Variants in ANO4 observed in about 807,000 individuals in gnomAD.
The protein encoded by ANO4 is anoctamin 4.
A neutral mutation model predicts 141.9 loss-of-function variants in ANO4; 69 were observed. The observed-to-expected ratio is 0.49, with a 90% CI of 0.40 to 0.59. The LOEUF (loss-of-function observed/expected upper bound fraction) is 0.59. ANO4 is among the 20% of genes least tolerant of loss of function. The pLI is 0.00. For synonymous variants in ANO4, 350 were observed against 394.3 expected (o/e 0.89, Z 1.33); for missense variants, 894 against 1,162.2 (o/e 0.77, Z 3.36).
chr12:100,823,479 T>G (rs2036164795), intron 1 of ANO4, among the ~76,000 whole-genome samples: 1 of 152,016 alleles, frequency 6.6e-6, no homozygotes. Flanking sequence ...TCTTGCTTTG[T>G]TTTTGCATAC....
At chr12:100,845,484 A>G (rs185979408) in intron 1 of ANO4, among the ~76,000 whole-genome samples, 267 of 152,304 alleles carry the variant, frequency 1.8e-3, no homozygotes, top group African/African-American at 6.2e-3. Context: ...TTGAGCATCC[A>G]TCCATGACTG....
intron 3 of ANO4, among the ~76,000 whole-genome samples, chr12:100,777,491 A>G (rs10860633): frequency 0.67 from 101,355 of 151,346 alleles, 34,119 homozygotes; most frequent in East Asian, 0.79. Context: ...AAGCCATGAG[A>G]AGGAGGCAGC....
At chr12:100,857,181 T>C (rs929395616) in intron 1 of ANO4, among the ~76,000 whole-genome samples, 1 of 152,124 alleles carries the variant, frequency 6.6e-6, no homozygotes, top group Non-Finnish European at 1.5e-5. Context: ...GCCATGCACA[T>C]TGTCCAGTTT....
intron 14 of ANO4, among the ~76,000 whole-genome samples, chr12:101,062,282 A>G (rs940686683): frequency 6.6e-6 from 1 of 152,144 alleles, no homozygotes; most frequent in South Asian, 2.1e-4. Context: ...GCACCCCCCA[A>G]ATGCCAGCTG....
At chr12:101,069,240 C>T (rs1384992036) in intron 14 of ANO4, 3 of 1,208,984 alleles carry the variant, frequency 2.5e-6, no homozygotes, top group South Asian at 2.4e-5. Context: ...AACTGATATG[C>T]CTTCACTCTG....
chr12:100,735,103 T>C (rs1035489093), intron 2 of ANO4, among the ~76,000 whole-genome samples: 4 of 152,180 alleles, frequency 2.6e-5, no homozygotes, highest in Non-Finnish European at 4.4e-5. Context: ...TTCAACCCCC[T>C]GTGAAATCAA....
At chr12:100,801,103 CT>C (rs2034658148) in intron 1 of ANO4, among the ~76,000 whole-genome samples, 3 of 151,232 alleles carry the variant, frequency 2.0e-5, no homozygotes, top group Non-Finnish European at 4.4e-5. Flanking sequence ...GTCTCTCTCT[CT>C]CTCTCTCTCT....
chr12:100,769,653 T>C lies in ANO4; in HGVS notation c.358+29548T>C, dbSNP rs147764076. Among the ~76,000 whole-genome samples, 990 of 152,344 alleles carry C rather than the reference T, an allele frequency of 6.5e-3. 11 individuals carry two copies. Among genetic ancestry groups the C allele is most frequent in the African/African-American group, 0.022 (931 of 41,578 alleles). ...AGATTATTCCTAGGAAATAATTAAG[T>C]CAGTTCTTTGGACATAGTTAAGTGC... On this transcript the variant is annotated intron_variant, in intron 3 of 29. Coordinates refer to the ANO4 transcript ENST00000644049.
chr12:100,825,229 T>C (rs1365597819), intron 1 of ANO4, among the ~76,000 whole-genome samples: 1 of 152,028 alleles, frequency 6.6e-6, no homozygotes, highest in African/African-American at 2.4e-5. Flanking sequence ...AGTTTGACAA[T>C]CTACTTGAAG....
chr12:100,842,395 A>C (rs539983387), intron 1 of ANO4, among the ~76,000 whole-genome samples: 1 of 147,160 alleles, frequency 6.8e-6, no homozygotes, highest in Non-Finnish European at 1.5e-5. Flanking sequence ...AGCTGTTTGC[A>C]AGTGTGTGTA....
At chr12:100,892,794 TC>T (rs1593660602) in intron 1 of ANO4, among the ~76,000 whole-genome samples, 1 of 152,296 alleles carries the variant, frequency 6.6e-6, no homozygotes, top group East Asian at 1.9e-4. Flanking sequence ...TTTTTTTTTT[TC>T]TGAATATTTT....
intron 14 of ANO4, among the ~76,000 whole-genome samples, chr12:101,066,057 C>T (rs890796892): frequency 2.1e-4 from 32 of 152,070 alleles, no homozygotes; most frequent in African/African-American, 7.7e-4. Flanking sequence ...TGATAAAGTT[C>T]AACATTTATT....
chr12:100,969,059 T>C (rs1002446884), intron 5 of ANO4, among the ~76,000 whole-genome samples: 4 of 152,316 alleles, frequency 2.6e-5, no homozygotes, highest in Non-Finnish European at 4.4e-5. Flanking sequence ...AGGCACCTCA[T>C]TTGCAGTAAC....
At chr12:100,887,069 AC>A (rs1273684121) in intron 1 of ANO4, among the ~76,000 whole-genome samples, 2 of 152,184 alleles carry the variant, frequency 1.3e-5, no homozygotes, top group Non-Finnish European at 2.9e-5. Context: ...CATTTTGCTC[AC>A]TTGGCTAAGT....
intron 14 of ANO4, among the ~76,000 whole-genome samples, chr12:101,050,980 C>T (rs2047842510): frequency 6.6e-6 from 1 of 152,138 alleles, no homozygotes; most frequent in African/African-American, 2.4e-5. Context: ...ACTTCCTTAC[C>T]CACTTCAATA....
chr12:100,965,564 C>T (rs761151222), intron 5 of ANO4, among the ~76,000 whole-genome samples: 1 of 152,034 alleles, frequency 6.6e-6, no homozygotes, highest in Non-Finnish European at 1.5e-5. Flanking sequence ...CTGGCATGAT[C>T]ATTCCCAGCC....
chr12:100,785,187 C>G (rs2033832218), intron 3 of ANO4, among the ~76,000 whole-genome samples: 1 of 152,146 alleles, frequency 6.6e-6, no homozygotes, highest in African/African-American at 2.4e-5. Flanking sequence ...CCCCAACTAC[C>G]AACATCCCCC....
At chr12:101,048,717 A>T (rs1359008828) in intron 14 of ANO4, among the ~76,000 whole-genome samples, 1 of 152,158 alleles carries the variant, frequency 6.6e-6, no homozygotes, top group Middle Eastern at 3.2e-3. Flanking sequence ...CTGAAACACC[A>T]TCTCAGTATA....
At chr12:101,040,965 G>C (rs2047390076) in intron 11 of ANO4, among the ~76,000 whole-genome samples, 1 of 152,098 alleles carries the variant, frequency 6.6e-6, no homozygotes, top group Admixed American at 6.6e-5. Flanking sequence ...GTATCCCATG[G>C]TGTATGTGTG....
Sources: gnomAD v4.1 joint callset for allele counts (sites outside exome capture counted in the v4.1 genomes callset) on GRCh38, gnomAD v4.1.1 for gene constraint, MANE v1.5 for transcripts, NCBI Gene and HGNC (gene_info 2026-07-23, HGNC 2026-07-21) for gene names.